Variants in RBM20 observed in about 807,000 individuals in gnomAD.
RBM20 encodes the protein RNA-binding protein 20.
Under a neutral mutation model 110.1 loss-of-function variants are expected in RBM20, and 51 were observed. The observed-to-expected ratio is 0.46, with a 90% confidence interval of 0.37 to 0.59. RBM20 has a LOEUF of 0.59. Ranked by LOEUF, RBM20 falls within the 20% of genes least tolerant of loss-of-function variation. The pLI is 0.00. For missense variants in RBM20, 1,512 were observed against 1,574.9 expected, an observed-to-expected ratio of 0.96 and a Z score of 0.68; for synonymous variants, 589 against 618.2, an observed-to-expected ratio of 0.95 and a Z score of 0.70.
rs12414946 is a variant in RBM20 at position 110,738,446 on chromosome 10, G to A, written c.192-42355G>A. The stretch of plus-strand genomic sequence containing the variant: ...GGTTTGGCCCTTGTTCTGGTGGAAT[G>A]TGATGTTCCTTGCCCTTTCTCCCAG... On this transcript the variant is annotated intron_variant, in intron 1 of 13. Coordinates refer to ENST00000369519, the MANE Select transcript of RBM20 (RefSeq NM_001134363.3). 8.9e-3 allele frequency among the ~76,000 whole-genome samples: 1,361 copies of A among 152,292 alleles called. 53 individuals are homozygous for A. Among genetic ancestry groups the A allele is most frequent in the Admixed American group, 0.06 (919 of 15,292 alleles).
intron 5 of RBM20, among the ~76,000 whole-genome samples, chr10:110,793,143 G>T (rs563400388): frequency 1.3e-5 from 2 of 152,174 alleles, no homozygotes; most frequent in African/African-American, 2.4e-5. Context: ...GGAAACTAAG[G>T]CTCAGAAAAG....
chr10:110,653,265 C>A (rs1383563294), intron 1 of RBM20, among the ~76,000 whole-genome samples: 1 of 152,198 alleles, frequency 6.6e-6, no homozygotes. Context: ...CCCCAATTCC[C>A]ACTCTGCTTC....
At chr10:110,748,642 T>C (rs1050039091) in intron 1 of RBM20, among the ~76,000 whole-genome samples, 2 of 152,182 alleles carry the variant, frequency 1.3e-5, no homozygotes, top group Admixed American at 6.5e-5. Flanking sequence ...TACGAGTTGT[T>C]GTGTCCCTGG....
chr10:110,747,104 G>C (rs1232205844), intron 1 of RBM20, among the ~76,000 whole-genome samples: 1 of 152,060 alleles, frequency 6.6e-6, no homozygotes, highest in African/African-American at 2.4e-5. Context: ...GTTATCATTG[G>C]GGAAGATAGG....
At chr10:110,676,141 C>A (rs1285438829) in intron 1 of RBM20, among the ~76,000 whole-genome samples, 1 of 152,192 alleles carries the variant, frequency 6.6e-6, no homozygotes, top group Non-Finnish European at 1.5e-5. Flanking sequence ...GACTGCATTT[C>A]CTTTTGTCTT....
chr10:110,829,106 G>A (rs1453196334), intron 12 of RBM20, among the ~76,000 whole-genome samples: 2 of 152,190 alleles, frequency 1.3e-5, no homozygotes, highest in African/African-American at 2.4e-5. Flanking sequence ...AGGCTGGGAC[G>A]GGACTGAGAG....
chr10:110,726,004 G>A (rs1162141387), intron 1 of RBM20, among the ~76,000 whole-genome samples: 1 of 151,514 alleles, frequency 6.6e-6, no homozygotes, highest in African/African-American at 2.4e-5. Flanking sequence ...CCATCTTGGG[G>A]GCAGATGTGC....
chr10:110,665,820 T>C (rs1403783230), intron 1 of RBM20, among the ~76,000 whole-genome samples: 1 of 152,170 alleles, frequency 6.6e-6, no homozygotes, highest in Non-Finnish European at 1.5e-5. Context: ...ATTTTGATTA[T>C]GTTAAAATAC....
chr10:110,676,296 C>T (rs1208201715), intron 1 of RBM20, among the ~76,000 whole-genome samples: 15 of 152,136 alleles, frequency 9.9e-5, no homozygotes, highest in Non-Finnish European at 1.5e-4. Context: ...CACTTCCTGA[C>T]GGCGCTGACA....
At chr10:110,823,752 C>G in intron 12 of RBM20, 138 bp downstream of exon 12, 1 of 912,546 alleles carries the variant, frequency 1.1e-6, no homozygotes, top group Non-Finnish European at 1.7e-6. Context: ...AGGTCTCACT[C>G]TGTCACCCAG....
At chr10:110,783,272 T>C in intron 2 of RBM20, 94 bp from the exon 3 acceptor site, 5 of 946,088 alleles carry the variant, frequency 5.3e-6, no homozygotes, top group South Asian at 1.4e-5. Context: ...CTGGGCGCTC[T>C]GTGCTCCCTG....
intron 1 of RBM20, among the ~76,000 whole-genome samples, chr10:110,762,363 C>T (rs1844017591): frequency 1.3e-5 from 2 of 152,186 alleles, no homozygotes; most frequent in South Asian, 4.1e-4. Context: ...CAATACATGC[C>T]TACGACATTG....
chr10:110,766,874 G>C (rs1424508125), intron 1 of RBM20, among the ~76,000 whole-genome samples: 12 of 146,630 alleles, frequency 8.2e-5, no homozygotes, highest in Admixed American at 2.0e-4. Flanking sequence ...GCCGGGCAGA[G>C]GGGCTCCTCA....
At chr10:110,757,914 A>ACTGTGAGT (rs1389577629) in intron 1 of RBM20, among the ~76,000 whole-genome samples, 4 of 150,788 alleles carry the variant, frequency 2.7e-5, no homozygotes, top group Non-Finnish European at 4.4e-5. Context: ...GATAGACCCT[A>ACTGTGAGT]CTGTGAGTTG....
At chr10:110,661,069 T>C (rs1463009456) in intron 1 of RBM20, among the ~76,000 whole-genome samples, 3 of 152,218 alleles carry the variant, frequency 2.0e-5, no homozygotes, top group African/African-American at 7.2e-5. Flanking sequence ...GAGCAATTCC[T>C]GACACCTGGA....
chr10:110,673,489 C>T (rs750462816), intron 1 of RBM20, among the ~76,000 whole-genome samples: 5 of 152,200 alleles, frequency 3.3e-5, no homozygotes, highest in Admixed American at 2.0e-4. Flanking sequence ...GGATCACAGG[C>T]GTGAGCCACC....
upstream of RBM20, among the ~76,000 whole-genome samples, chr10:110,643,780 C>T (rs1861822253): frequency 6.6e-6 from 1 of 152,232 alleles, no homozygotes; most frequent in Non-Finnish European, 1.5e-5. Context: ...CAAGTCTGAC[C>T]TCGGGGCGAG....
chr10:110,648,040 G>A (rs922619136), intron 1 of RBM20, among the ~76,000 whole-genome samples: 2 of 152,190 alleles, frequency 1.3e-5, no homozygotes, highest in African/African-American at 4.8e-5. Flanking sequence ...CCTGGGTAAT[G>A]CGTGGCATCA....
At chr10:110,724,775 T>A (rs1201903098) in intron 1 of RBM20, among the ~76,000 whole-genome samples, 1 of 152,156 alleles carries the variant, frequency 6.6e-6, no homozygotes, top group East Asian at 1.9e-4. Context: ...GAAGGCAGGA[T>A]CACCATTATC....
Sources: allele counts gnomAD v4.1 joint callset (sites outside exome capture counted in the v4.1 genomes callset), GRCh38; gene constraint gnomAD v4.1.1; transcripts MANE v1.5; gene names NCBI Gene and HGNC (gene_info 2026-07-23, HGNC 2026-07-21).